The following OR6N1 variants were observed in gnomAD, a reference collection of about 807,000 sequenced individuals.
OR6N1 encodes olfactory receptor family 6 subfamily N member 1, also known as olfactory receptor 6N1.
For synonymous variants in OR6N1, 170 were observed against 150.7 expected (o/e 1.13, Z -0.94); for missense variants, 394 against 371.7 (o/e 1.06, Z -0.49).
At chr1:158,782,687 T>G in the OR6N1 span, among the ~76,000 whole-genome samples, 3 of 152,220 alleles carry the variant, frequency 2.0e-5, no homozygotes, top group South Asian at 6.2e-4. Context: ...TTAATGAATC[T>G]TACTTGTTAA....
the OR6N1 span, among the ~76,000 whole-genome samples, chr1:158,811,143 T>G: frequency 1.4e-3 from 211 of 152,338 alleles, 2 homozygotes; most frequent in African/African-American, 4.9e-3. Flanking sequence ...TATTTGGTTT[T>G]CTTTTCCTGT....
At chr1:158,826,146 TA>T in the OR6N1 span, among the ~76,000 whole-genome samples, 2,385 of 143,186 alleles carry the variant, frequency 0.017, 71 homozygotes, top group African/African-American at 0.055. Flanking sequence ...AGGAGAATAT[TA>T]AAAAAAAAAA....
the OR6N1 span, chr1:158,777,509 TG>T: frequency 1.2e-6 from 2 of 1,614,190 alleles, no homozygotes; most frequent in East Asian, 4.5e-5. Context: ...AAGATGAGCA[TG>T]TTACCACAGA....
chr1:158,802,000 G>T, the OR6N1 span, among the ~76,000 whole-genome samples: 1 of 151,970 alleles, frequency 6.6e-6, no homozygotes, highest in Non-Finnish European at 1.5e-5. Context: ...GGGGCTCCTT[G>T]CTATATGTTC....
the OR6N1 span, among the ~76,000 whole-genome samples, chr1:158,791,690 G>A: frequency 3.9e-5 from 6 of 152,112 alleles, no homozygotes; most frequent in Admixed American, 6.5e-5. Flanking sequence ...GGATGGTCTC[G>A]ATCTCCTGAC....
At chr1:158,768,773 C>T (rs1444514250) in intron 1 of OR6N1, among the ~76,000 whole-genome samples, 1 of 152,156 alleles carries the variant, frequency 6.6e-6, no homozygotes, top group African/African-American at 2.4e-5. Context: ...CCTGGGCCAC[C>T]CTATATAACT....
chr1:158,830,765 A>T, the OR6N1 span, among the ~76,000 whole-genome samples: 1 of 152,238 alleles, frequency 6.6e-6, no homozygotes, highest in Non-Finnish European at 1.5e-5. Context: ...AAGGCAGCTC[A>T]GTTATTATAC....
chr1:158,824,347 G>T, the OR6N1 span, among the ~76,000 whole-genome samples: 2 of 152,052 alleles, frequency 1.3e-5, no homozygotes, highest in African/African-American at 4.8e-5. Context: ...CAGCCACGTG[G>T]AACTGTAAGT....
the OR6N1 span, among the ~76,000 whole-genome samples, chr1:158,787,013 C>T: frequency 6.6e-6 from 1 of 152,034 alleles, no homozygotes; most frequent in Admixed American, 6.6e-5. Context: ...TCATGTTGAA[C>T]TGTAATGAGT....
chr1:158,780,395 A>G, the OR6N1 span, among the ~76,000 whole-genome samples: 1 of 152,216 alleles, frequency 6.6e-6, no homozygotes, highest in East Asian at 1.9e-4. Flanking sequence ...AATCTTCCAC[A>G]TAGAAAATCT....
chr1:158,784,720 G>A, the OR6N1 span, among the ~76,000 whole-genome samples: 7 of 151,758 alleles, frequency 4.6e-5, no homozygotes, highest in East Asian at 1.9e-4. Flanking sequence ...ATGTCCTCTC[G>A]GTTCATTCAT....
At chr1:158,810,684 T>C in the OR6N1 span, among the ~76,000 whole-genome samples, 1 of 152,206 alleles carries the variant, frequency 6.6e-6, no homozygotes, top group South Asian at 2.1e-4. Flanking sequence ...TCCTTGTGTA[T>C]ACATGGAGAA....
At chr1:158,822,523 G>A in the OR6N1 span, among the ~76,000 whole-genome samples, 1 of 152,076 alleles carries the variant, frequency 6.6e-6, no homozygotes, top group African/African-American at 2.4e-5. Flanking sequence ...TGGTATACAG[G>A]TATGCTACTG....
chr1:158,795,486 T>C, the OR6N1 span, among the ~76,000 whole-genome samples: 2 of 152,194 alleles, frequency 1.3e-5, no homozygotes, highest in Non-Finnish European at 2.9e-5. Context: ...CAAATCTCAG[T>C]TGAGAGCTTC....
At chr1:158,777,033 G>T (rs754004009), upstream of OR6N1, 15 of 1,613,958 alleles carry the variant, frequency 9.3e-6, no homozygotes, top group East Asian at 6.7e-5. Context: ...AAGCATTAAT[G>T]GCAAAGTCCA....
At chr1:158,789,790 C>T in the OR6N1 span, among the ~76,000 whole-genome samples, 1 of 152,268 alleles carries the variant, frequency 6.6e-6, no homozygotes, top group East Asian at 1.9e-4. Flanking sequence ...TGTGGGTTGT[C>T]TCTTCACTTT....
chr1:158,814,840 T>C, the OR6N1 span, among the ~76,000 whole-genome samples: 2 of 152,238 alleles, frequency 1.3e-5, no homozygotes, highest in Middle Eastern at 6.8e-3. Context: ...TCTTTTAACA[T>C]CATAGAAAAA....
the OR6N1 span, among the ~76,000 whole-genome samples, chr1:158,784,243 C>T: frequency 1.3e-5 from 2 of 152,182 alleles, no homozygotes; most frequent in African/African-American, 4.8e-5. Flanking sequence ...CTGTATTCAT[C>T]CCATTTCTAA....
rs752781215 is a variant in OR6N1 at position 158,766,078 on chromosome 1, A to G, written c.605T>C (p.Ile202Thr). 4 of 1,614,212 alleles carry G rather than the reference A, an allele frequency of 2.5e-6. No homozygotes were observed. The highest frequency in any genetic ancestry group is 3.4e-6 in the Non-Finnish European group (4 of 1,180,036). The change falls in exon 2 of 2, where the codon ATA becomes ACA. Residue 202 changes from isoleucine (I) to threonine (T), a missense_variant. By Grantham distance (89) the Ile-to-Thr change is moderately conservative. Coordinates refer to ENST00000641846, the MANE Select transcript of OR6N1 (RefSeq NM_001005185.2). Reference protein sequence around the residue: ...TSINVLVDFVINSCKILATFL... With the variant: ...TSINVLVDFVTNSCKILATFL... Reference sequence around the variant, plus strand: ...GGTGGCTAGGATCTTGCAGGAATTTATAACAAAATCTACTAGGACATTTAT... The same window carrying G: ...GGTGGCTAGGATCTTGCAGGAATTTGTAACAAAATCTACTAGGACATTTAT...
Sources: allele counts gnomAD v4.1 joint callset (sites outside exome capture counted in the v4.1 genomes callset), GRCh38; gene constraint gnomAD v4.1.1; transcripts MANE v1.5; gene names NCBI Gene and HGNC (gene_info 2026-07-23, HGNC 2026-07-21).